SLC14A2: variants seen among roughly 807,000 people sequenced by gnomAD.
SLC14A2 encodes solute carrier family 14 member 2, also known as urea transporter 2.
A neutral mutation model predicts 104.6 loss-of-function variants in SLC14A2; 91 were observed. The ratio of observed to expected loss-of-function variants is 0.87; its 90% CI spans 0.73 to 1.04. The LOEUF is 1.04. Among genes scored for constraint, SLC14A2 ranks in the 50% least tolerant of loss-of-function variants. The pLI is 0.00. For missense variants in SLC14A2, 1,189 were observed against 1,156.0 expected, an observed-to-expected ratio of 1.03 and a Z score of -0.41; for synonymous variants, 476 against 466.4, an observed-to-expected ratio of 1.02 and a Z score of -0.27.
At chr18:45,589,911 C>G (rs947046771) in intron 2 of SLC14A2, among the ~76,000 whole-genome samples, 1 of 152,168 alleles carries the variant, frequency 6.6e-6, no homozygotes, top group African/African-American at 2.4e-5. Flanking sequence ...TTGCAAATTT[C>G]TGTGTCTGAG....
chr18:45,571,210 G>A (rs1165920184), intron 2 of SLC14A2, among the ~76,000 whole-genome samples: 1 of 152,214 alleles, frequency 6.6e-6, no homozygotes, highest in Non-Finnish European at 1.5e-5. Flanking sequence ...ATAAATAACG[G>A]AGGCCAGGAC....
chr18:45,491,387 A>T (rs1395207297), intron 2 of SLC14A2, among the ~76,000 whole-genome samples: 1 of 152,204 alleles, frequency 6.6e-6, no homozygotes, highest in East Asian at 1.9e-4. Flanking sequence ...GTTATCAATC[A>T]CGTATGGATT....
At chr18:45,369,947 C>T (rs1209213600) in intron 1 of SLC14A2, among the ~76,000 whole-genome samples, 1 of 152,114 alleles carries the variant, frequency 6.6e-6, no homozygotes, top group South Asian at 2.1e-4. Flanking sequence ...GATATTTTTC[C>T]CTCCAAAGGC....
intron 1 of SLC14A2, among the ~76,000 whole-genome samples, chr18:45,401,440 G>A (rs1254899016): frequency 1.3e-5 from 2 of 152,180 alleles, no homozygotes; most frequent in Non-Finnish European, 1.5e-5. Context: ...CAAAGGGGGA[G>A]TATGCATAAT....
intron 1 of SLC14A2, among the ~76,000 whole-genome samples, chr18:45,461,228 A>G (rs1278311969): frequency 6.6e-6 from 1 of 152,202 alleles, no homozygotes; most frequent in Admixed American, 6.5e-5. Context: ...ACCTAAGCCT[A>G]CTAGAATCTT....
chr18:45,593,486 C>CTTTT lies in SLC14A2; in HGVS notation c.-34-31127_-34-31124dup, dbSNP rs1172271684. The stretch of plus-strand genomic sequence containing the variant: ...TATGATAACTAAGCATTTCCTTAAT[C>CTTTT]TTTTTTTTTTTTTTTTTTTTTGAGA... On this transcript the variant is annotated intron_variant, in intron 2 of 20. Transcript: ENST00000586448. Among the ~76,000 whole-genome samples, 129 of 88,778 alleles carry CTTTT rather than the reference C, an allele frequency of 1.5e-3. 5 individuals carry two copies. The highest frequency in any genetic ancestry group is 1.8e-3 in the Non-Finnish European group (90 of 49,498). The allele number at this position is 88,778 out of a possible 152,430, so 58.2% of individuals were successfully genotyped here. A position where few individuals can be genotyped will look rare whatever the true frequency, so the allele number is the denominator to read the frequency against.
chr18:45,394,828 T>C (rs1382343753), intron 1 of SLC14A2, among the ~76,000 whole-genome samples: 3 of 152,200 alleles, frequency 2.0e-5, no homozygotes, highest in Non-Finnish European at 4.4e-5. Flanking sequence ...ACTCTGTTGA[T>C]TGTTTACTTT....
intron 1 of SLC14A2, among the ~76,000 whole-genome samples, chr18:45,303,900 C>T (rs2084991827): frequency 6.6e-6 from 1 of 152,206 alleles, no homozygotes; most frequent in Admixed American, 6.5e-5. Flanking sequence ...CCCACTGCTC[C>T]TCCAGCATCT....
chr18:45,572,160 G>A (rs1325358564), intron 2 of SLC14A2, among the ~76,000 whole-genome samples: 1 of 152,188 alleles, frequency 6.6e-6, no homozygotes, highest in Non-Finnish European at 1.5e-5. Flanking sequence ...AGTCTTTAAA[G>A]CTGTTCAGAG....
chr18:45,250,751 C>CTGACTTTTTTTTTTTTTTTTTTT lies in SLC14A2; in HGVS notation c.-125+37561_-125+37562insGACTTTTTTTTTTTTTTTTTTTT, dbSNP rs1165070845. On this transcript the variant is annotated intron_variant, in intron 1 of 20. Transcript: ENST00000586448. ...AACTGAATCCTCTGGCTAGTGGCTT[C>CTGACTTTTTTTTTTTTTTTTTTT]TTCCTTTTTTTTTTTTTTTTTTTTT... 1.1e-3 allele frequency among the ~76,000 whole-genome samples: 120 copies of CTGACTTTTTTTTTTTTTTTTTTT among 113,882 alleles called. 10 individuals carry two copies. Among genetic ancestry groups the CTGACTTTTTTTTTTTTTTTTTTT allele is most frequent in the Middle Eastern group, 4.5e-3 (1 of 220 alleles). 74.7% of individuals were successfully genotyped at this position (113,882 alleles called of 152,430 possible).
chr18:45,674,600 G>A (rs1480824593), intron 18 of SLC14A2, among the ~76,000 whole-genome samples: 1 of 150,924 alleles, frequency 6.6e-6, no homozygotes, highest in Non-Finnish European at 1.5e-5. Context: ...CCAGCACACT[G>A]TAGTTACTTA....
intron 2 of SLC14A2, among the ~76,000 whole-genome samples, chr18:45,525,640 TATTTTCAATGC>T (rs1324763051): frequency 3.9e-5 from 6 of 152,228 alleles, no homozygotes; most frequent in African/African-American, 1.4e-4. Context: ...CAAACTTAAC[TATTTTCAATGC>T]ATTCCAATTA....
chr18:45,591,663 A>C (rs1254362040), intron 2 of SLC14A2, among the ~76,000 whole-genome samples: 1 of 152,168 alleles, frequency 6.6e-6, no homozygotes, highest in African/African-American at 2.4e-5. Flanking sequence ...ACAAGCACCC[A>C]GTGCTGCTGC....
chr18:45,497,420 C>T (rs2043117673), intron 2 of SLC14A2, among the ~76,000 whole-genome samples: 1 of 152,146 alleles, frequency 6.6e-6, no homozygotes, highest in Non-Finnish European at 1.5e-5. Flanking sequence ...AAGAGATAGA[C>T]ATACAATCTT....
At chr18:45,470,747 A>G (rs1236496667) in intron 1 of SLC14A2, among the ~76,000 whole-genome samples, 2 of 152,088 alleles carry the variant, frequency 1.3e-5, no homozygotes, top group Non-Finnish European at 2.9e-5. Context: ...CTCTTACCGA[A>G]TTTTAATTAA....
At chr18:45,409,315 T>C (rs2144485639) in intron 1 of SLC14A2, among the ~76,000 whole-genome samples, 1 of 152,328 alleles carries the variant, frequency 6.6e-6, no homozygotes, top group South Asian at 2.1e-4. Context: ...TTCTTGTTTT[T>C]ATTATTTTCA....
chr18:45,279,123 C>A (rs944895330), intron 1 of SLC14A2, among the ~76,000 whole-genome samples: 1 of 152,150 alleles, frequency 6.6e-6, no homozygotes, highest in Non-Finnish European at 1.5e-5. Flanking sequence ...GTTCAGCTCC[C>A]CCTCAGCAGA....
At chr18:45,288,444 G>A (rs372443794) in intron 1 of SLC14A2, among the ~76,000 whole-genome samples, 1 of 152,232 alleles carries the variant, frequency 6.6e-6, no homozygotes. Context: ...ACTTTGGGGT[G>A]TAGTTGACTT....
At chr18:45,489,338 C>T (rs754090525) in intron 2 of SLC14A2, among the ~76,000 whole-genome samples, 34 of 152,098 alleles carry the variant, frequency 2.2e-4, no homozygotes, top group Non-Finnish European at 3.7e-4. Context: ...TAGGGAAAAC[C>T]TGTCTCTACT....
Sources: gnomAD v4.1 joint callset for allele counts (sites outside exome capture counted in the v4.1 genomes callset) on GRCh38, gnomAD v4.1.1 for gene constraint, MANE v1.5 for transcripts, NCBI Gene and HGNC (gene_info 2026-07-23, HGNC 2026-07-21) for gene names.